MCTP1: variants seen among roughly 807,000 people sequenced by gnomAD.
MCTP1 encodes the protein multiple C2 and transmembrane domain-containing protein 1.
MCTP1 carries 69 observed loss-of-function variants against 120.6 expected under a neutral mutation model. The ratio of observed to expected loss-of-function variants is 0.57; its 90% CI spans 0.47 to 0.70. The LOEUF is 0.70. Among genes scored for constraint, MCTP1 ranks in the 30% least tolerant of loss-of-function variants. MCTP1 has a pLI of 0.00. For synonymous variants in MCTP1, 529 were observed against 493.1 expected (o/e 1.07, Z -0.96); for missense variants, 1,203 against 1,248.8 (o/e 0.96, Z 0.55).
chr5:94,899,865 TCTCA>T (rs1805048400), intron 10 of MCTP1, among the ~76,000 whole-genome samples: 1 of 152,170 alleles, frequency 6.6e-6, no homozygotes, highest in Admixed American at 6.5e-5. Flanking sequence ...TCTTTCTCAC[TCTCA>T]CTGTCTGGGA....
intron 1 of MCTP1, among the ~76,000 whole-genome samples, chr5:95,102,190 G>A (rs1756784074): frequency 6.6e-6 from 1 of 152,172 alleles, no homozygotes; most frequent in Non-Finnish European, 1.5e-5. Context: ...GAGGCCTCAA[G>A]AGGTTGTTAA....
chr5:95,099,851 T>C (rs1432047280), intron 1 of MCTP1, among the ~76,000 whole-genome samples: 1 of 149,040 alleles, frequency 6.7e-6, no homozygotes, highest in Admixed American at 6.7e-5. Flanking sequence ...CTATTCACAA[T>C]AGCAAAGACT....
At position 94,959,523 on chromosome 5, in the gene MCTP1, G is replaced by A. The variant is rs117796390; in HGVS notation, c.839-6162C>T. ...GATGATTGCATATTTAGAAAACCCCGTTGTCTCAGCCCAAAACTCCTTAAG... is the reference window on the plus strand; with the variant it reads ...GATGATTGCATATTTAGAAAACCCCATTGTCTCAGCCCAAAACTCCTTAAG... On this transcript the variant is annotated intron_variant, in intron 2 of 22. Transcript: ENST00000515393. Among the ~76,000 whole-genome samples, 26 of 152,152 alleles carry A rather than the reference G, an allele frequency of 1.7e-4. No homozygotes were observed. The East Asian group carries it at 3.1e-3, about 18-fold the overall frequency.
At chr5:95,010,250 A>G (rs944857229) in intron 2 of MCTP1, among the ~76,000 whole-genome samples, 3 of 151,962 alleles carry the variant, frequency 2.0e-5, no homozygotes, top group African/African-American at 7.2e-5. Context: ...CCTTCATCCA[A>G]TTGATCTCGA....
At chr5:94,944,305 C>G (rs987848367) in intron 3 of MCTP1, among the ~76,000 whole-genome samples, 4 of 152,106 alleles carry the variant, frequency 2.6e-5, no homozygotes, top group African/African-American at 4.8e-5. Context: ...AATAAATATT[C>G]TCCTTGATCA....
At chr5:95,072,545 C>T (rs537380175) in intron 1 of MCTP1, among the ~76,000 whole-genome samples, 4 of 152,032 alleles carry the variant, frequency 2.6e-5, no homozygotes, top group African/African-American at 9.7e-5. Context: ...TATTGCAGCA[C>T]AAAGGGGCCA....
At chr5:94,791,653 A>G (rs255348) in intron 18 of MCTP1, among the ~76,000 whole-genome samples, 102,900 of 152,122 alleles carry the variant, frequency 0.68, 36,369 homozygotes, top group Middle Eastern at 0.8. Context: ...TTCAATTTTT[A>G]TAAAAAACAA....
At chr5:94,936,296 G>A (rs966023833) in intron 5 of MCTP1, among the ~76,000 whole-genome samples, 1 of 152,040 alleles carries the variant, frequency 6.6e-6, no homozygotes, top group African/African-American at 2.4e-5. Context: ...AAGACTTTAT[G>A]TATTATATAT....
chr5:95,243,041 G>A (rs1434276513), intron 1 of MCTP1, among the ~76,000 whole-genome samples: 1 of 152,084 alleles, frequency 6.6e-6, no homozygotes, highest in African/African-American at 2.4e-5. Context: ...GCACTAGGAG[G>A]GACACAGAGA....
At chr5:94,779,206 G>C in intron 18 of MCTP1, 43 bp from the exon 19 acceptor site, 1 of 1,545,544 alleles carries the variant, frequency 6.5e-7, no homozygotes, top group Non-Finnish European at 8.9e-7. Flanking sequence ...TCTTAAAGGA[G>C]AGAATTTTGT....
rs1474503158 is a variant in MCTP1, at chr5:94,808,231, G to C, written c.2437-9099C>G. On this transcript the variant is annotated intron_variant, in intron 17 of 22. Transcript: ENST00000515393. ...GTTCAAAGGTCTTTATTTCTGGTTG[G>C]TTCCACTAAAGCTTTTTGTACCACC... Among the ~76,000 whole-genome samples, 4 of 152,264 alleles carry C rather than the reference G, an allele frequency of 2.6e-5. 1 individual carries two copies. The highest frequency in any genetic ancestry group is 2.0e-4 in the Admixed American group (3 of 15,292).
chr5:95,015,390 T>C (rs1836897852), intron 2 of MCTP1, among the ~76,000 whole-genome samples: 1 of 152,136 alleles, frequency 6.6e-6, no homozygotes, highest in Admixed American at 6.6e-5. Flanking sequence ...GCTAAAATAT[T>C]GTCATAGTTA....
At chr5:95,074,358 T>G (rs867575586) in intron 1 of MCTP1, among the ~76,000 whole-genome samples, 1 of 152,188 alleles carries the variant, frequency 6.6e-6, no homozygotes, top group Non-Finnish European at 1.5e-5. Context: ...GCCACCCAAC[T>G]TCTGGAGGGG....
chr5:94,770,577 A>C (rs1353256622), intron 19 of MCTP1, among the ~76,000 whole-genome samples: 2 of 152,200 alleles, frequency 1.3e-5, no homozygotes, highest in African/African-American at 4.8e-5. Flanking sequence ...CCCAACTGCC[A>C]CTTTGGAGGG....
chr5:94,884,059 G>C (rs1295202102), intron 12 of MCTP1, among the ~76,000 whole-genome samples: 1 of 152,022 alleles, frequency 6.6e-6, no homozygotes, highest in East Asian at 1.9e-4. Context: ...CCAAATCTTT[G>C]TATAAAATAT....
At chr5:94,894,104 G>A (rs145673723) in intron 11 of MCTP1, among the ~76,000 whole-genome samples, 3 of 152,062 alleles carry the variant, frequency 2.0e-5, no homozygotes, top group African/African-American at 4.8e-5. Context: ...CCATACTATC[G>A]TTCCACATTC....
At chr5:95,027,889 G>A (rs1306102648) in intron 1 of MCTP1, among the ~76,000 whole-genome samples, 1 of 152,194 alleles carries the variant, frequency 6.6e-6, no homozygotes, top group African/African-American at 2.4e-5. Flanking sequence ...AGTTAACACA[G>A]GAAATCCATG....
chr5:95,135,660 C>T (rs111285764), intron 1 of MCTP1, among the ~76,000 whole-genome samples: 19,574 of 152,180 alleles, frequency 0.13, 1,568 homozygotes, highest in African/African-American at 0.22. Flanking sequence ...CCTCAAACAT[C>T]ATTCTCCAAG....
intron 1 of MCTP1, among the ~76,000 whole-genome samples, chr5:95,196,938 A>AT (rs1008957882): frequency 5.9e-5 from 9 of 152,258 alleles, no homozygotes; most frequent in Admixed American, 2.6e-4. Flanking sequence ...CAACAGATTG[A>AT]TTTTTTTAAA....
Sources: allele counts gnomAD v4.1 joint callset (sites outside exome capture counted in the v4.1 genomes callset), GRCh38; gene constraint gnomAD v4.1.1; transcripts MANE v1.5; gene names NCBI Gene and HGNC (gene_info 2026-07-23, HGNC 2026-07-21).